Variants in TAFA2 observed in about 807,000 individuals in gnomAD.
TAFA2 encodes chemokine-like protein TAFA-2.
Under a neutral mutation model 18.8 loss-of-function variants are expected in TAFA2, and 7 were observed. The ratio of observed to expected loss-of-function variants is 0.37; its 90% CI spans 0.21 to 0.70. The LOEUF (loss-of-function observed/expected upper bound fraction) is 0.70, where lower values mean the gene tolerates loss of function less well. Among genes scored for constraint, TAFA2 ranks in the 30% least tolerant of loss-of-function variants. The pLI is 0.53. For missense variants in TAFA2, 122 were observed against 158.1 expected (o/e 0.77, Z 1.23); for synonymous variants, 60 against 54.2 (o/e 1.11, Z -0.47).
intron 1 of TAFA2, among the ~76,000 whole-genome samples, chr12:62,096,164 G>A (rs1246322424): frequency 3.3e-5 from 5 of 152,048 alleles, no homozygotes; most frequent in Admixed American, 6.6e-5. Context: ...TCTTATCTGC[G>A]TTTGGACTCT....
upstream of TAFA2, among the ~76,000 whole-genome samples, chr12:62,196,972 A>T (rs1379238545): frequency 6.6e-6 from 1 of 152,234 alleles, no homozygotes; most frequent in Non-Finnish European, 1.5e-5. Flanking sequence ...ACCCAGCCTC[A>T]CAGCAGGGGT....
intron 1 of TAFA2, among the ~76,000 whole-genome samples, chr12:62,190,780 G>C (rs1426153108): frequency 6.6e-6 from 1 of 152,082 alleles, no homozygotes; most frequent in African/African-American, 2.4e-5. Context: ...TAACTAATCA[G>C]AAGTGGACAA....
chr12:62,075,459 C>G lies in TAFA2; in HGVS notation c.-2+115800G>C, dbSNP rs559379610. ...GAGGCAACATGTGTAAATTCCACCT[C>G]TCTTGCTTGAATGGAAATCACTGGA... On this transcript the variant is annotated intron_variant, in intron 1 of 4. Coordinates refer to ENST00000416284, the MANE Select transcript of TAFA2 (RefSeq NM_178539.5). Among the ~76,000 whole-genome samples, 4 of 152,286 alleles carry G rather than the reference C, an allele frequency of 2.6e-5. No homozygotes were observed. In the South Asian group the frequency reaches 8.3e-4, roughly 32 times the overall value.
intron 1 of TAFA2, among the ~76,000 whole-genome samples, chr12:61,950,898 C>T (rs1221651780): frequency 6.6e-6 from 1 of 152,054 alleles, no homozygotes; most frequent in African/African-American, 2.4e-5. Flanking sequence ...AGGCTTTGAG[C>T]CAGCTCTCTA....
intron 1 of TAFA2, among the ~76,000 whole-genome samples, chr12:62,027,992 G>T (rs974198886): frequency 2.6e-5 from 4 of 152,160 alleles, no homozygotes; most frequent in Non-Finnish European, 5.9e-5. Flanking sequence ...GAAGGACTTT[G>T]AATCTCCAGT....
rs1313945872 is a variant in TAFA2 at position 61,996,802 on chromosome 12, C to A, written c.-1-129376G>T. The stretch of plus-strand genomic sequence containing the variant: ...TTTGGGGTGGGAGGGATCTAAGTCT[C>A]AAGCAATTTCCAAAGTCTATTTCTC... On this transcript the variant is annotated intron_variant, in intron 1 of 4. Coordinates refer to ENST00000416284, the MANE Select transcript of TAFA2 (RefSeq NM_178539.5). 2.6e-5 allele frequency among the ~76,000 whole-genome samples: 4 copies of A among 152,128 alleles called. No homozygotes were observed. In the East Asian group the frequency reaches 7.7e-4, roughly 29 times the overall value.
At chr12:61,847,550 C>T (rs982822478) in intron 2 of TAFA2, among the ~76,000 whole-genome samples, 4 of 152,018 alleles carry the variant, frequency 2.6e-5, no homozygotes, top group Non-Finnish European at 4.4e-5. Flanking sequence ...GAGAGAATTA[C>T]GTTAGGATAT....
intron 1 of TAFA2, among the ~76,000 whole-genome samples, chr12:62,107,895 T>C (rs777584650): frequency 3.3e-4 from 50 of 152,000 alleles, no homozygotes; most frequent in Non-Finnish European, 5.7e-4. Flanking sequence ...TTTTGCTTAA[T>C]ATGCTGTAAA....
chr12:62,052,500 C>A (rs988479623), intron 1 of TAFA2, among the ~76,000 whole-genome samples: 1 of 152,042 alleles, frequency 6.6e-6, no homozygotes, highest in Non-Finnish European at 1.5e-5. Flanking sequence ...CTCAGCCAAC[C>A]CTCTTCTCTT....
intron 2 of TAFA2, among the ~76,000 whole-genome samples, chr12:61,823,133 T>A (rs1159765735): frequency 3.9e-5 from 6 of 152,180 alleles, no homozygotes; most frequent in Non-Finnish European, 5.9e-5. Flanking sequence ...TTATTCTTCA[T>A]ACACCAAAAT....
chr12:62,104,210 C>T (rs1192617177), intron 1 of TAFA2, among the ~76,000 whole-genome samples: 3 of 151,756 alleles, frequency 2.0e-5, no homozygotes, highest in African/African-American at 4.8e-5. Context: ...GACAAACGTG[C>T]CATTTAGCTA....
intron 1 of TAFA2, among the ~76,000 whole-genome samples, chr12:61,900,181 T>C (rs932875816): frequency 1.3e-5 from 2 of 152,236 alleles, no homozygotes; most frequent in South Asian, 4.1e-4. Context: ...TATACATATC[T>C]CTTGGTTCAC....
chr12:61,965,375 A>G (rs1879033053), intron 1 of TAFA2, among the ~76,000 whole-genome samples: 1 of 151,952 alleles, frequency 6.6e-6, no homozygotes, highest in Non-Finnish European at 1.5e-5. Flanking sequence ...TGTGAAACAT[A>G]AACTTCTATT....
At chr12:62,126,045 G>A (rs1479156404) in intron 1 of TAFA2, among the ~76,000 whole-genome samples, 28 of 151,964 alleles carry the variant, frequency 1.8e-4, no homozygotes, top group Admixed American at 1.8e-3. Context: ...GGGCCACTTG[G>A]CATTTGAAAA....
chr12:62,088,218 A>G (rs1868539118), intron 1 of TAFA2, among the ~76,000 whole-genome samples: 1 of 152,070 alleles, frequency 6.6e-6, no homozygotes, highest in Non-Finnish European at 1.5e-5. Flanking sequence ...TGTTTTATTC[A>G]TGAGTCCTTT....
At chr12:61,947,223 C>A (rs909423891) in intron 1 of TAFA2, among the ~76,000 whole-genome samples, 16 of 146,788 alleles carry the variant, frequency 1.1e-4, no homozygotes, top group Non-Finnish European at 4.5e-5. Flanking sequence ...AACCAAACAC[C>A]GCATATTCTC....
intron 1 of TAFA2, chr12:62,198,142 C>T (rs2062656441): frequency 1.3e-5 from 2 of 152,012 alleles, no homozygotes; most frequent in African/African-American, 4.8e-5. Context: ...ACCTCAAATC[C>T]CCACAACATC....
intron 1 of TAFA2, among the ~76,000 whole-genome samples, chr12:62,223,720 G>A (rs936281049): frequency 2.6e-5 from 4 of 152,128 alleles, no homozygotes; most frequent in African/African-American, 9.7e-5. Context: ...ATTTGGCAAT[G>A]ATTTCTTGGA....
intron 1 of TAFA2, among the ~76,000 whole-genome samples, chr12:62,004,037 A>G (rs1319875786): frequency 3.9e-5 from 6 of 152,232 alleles, no homozygotes; most frequent in Admixed American, 2.0e-4. Flanking sequence ...AAGTCCATCT[A>G]TAAAATCACT....
Sources: allele counts gnomAD v4.1 joint callset (sites outside exome capture counted in the v4.1 genomes callset), GRCh38; gene constraint gnomAD v4.1.1; transcripts MANE v1.5; gene names NCBI Gene and HGNC (gene_info 2026-07-23, HGNC 2026-07-21).